Variants in IGF2BP3 observed in about 807,000 individuals in gnomAD.
The protein encoded by IGF2BP3 is insulin-like growth factor 2 mRNA-binding protein 3.
In IGF2BP3, 9 loss-of-function variants were observed where a neutral mutation model predicts 73.8. That is an observed-to-expected ratio of 0.12 (90% confidence interval 0.07 to 0.21). The LOEUF (loss-of-function observed/expected upper bound fraction) is 0.21, where lower values mean the gene tolerates loss of function less well. Ranked by LOEUF, IGF2BP3 falls within the 10% of genes least tolerant of loss-of-function variation. IGF2BP3 has a pLI of 1.00. For synonymous variants in IGF2BP3, 258 were observed against 256.7 expected (o/e 1.01, Z -0.05); for missense variants, 542 against 714.0 (o/e 0.76, Z 2.75).
At chr7:23,319,361 A>G in intron 10 of IGF2BP3, 107 bp from the exon 11 acceptor site, 1 of 700,192 alleles carries the variant, frequency 1.4e-6, no homozygotes, top group East Asian at 2.6e-5. Context: ...GAATACCAGG[A>G]AAGTTTAAGG....
intron 12 of IGF2BP3, among the ~76,000 whole-genome samples, chr7:23,315,381 A>G (rs1450613597): frequency 6.6e-6 from 1 of 152,124 alleles, no homozygotes; most frequent in African/African-American, 2.4e-5. Context: ...GTGCTGGGAT[A>G]GCAAGCGTGG....
At position 23,470,042 on chromosome 7, in the gene IGF2BP3, C is replaced by T. The variant is rs764130330; in HGVS notation, c.69G>A (p.Lys23=). ...AAPSDLESIF[K]DAKIPVSGPF... ...GTCCCGACACCGGGATCTTGGCGTC[C>T]TTGAAGATACTTTCTAGGTCCGAGG... The change falls in exon 1 of 15, where the codon AAG becomes AAA. Residue 23 remains lysine, a synonymous_variant. Coordinates refer to ENST00000258729, the MANE Select transcript of IGF2BP3 (RefSeq NM_006547.3). The T allele has an allele frequency of 1.2e-6, 2 of 1,612,148 alleles. No homozygotes were observed. Among genetic ancestry groups the T allele is most frequent in the South Asian group, 1.1e-5 (1 of 90,872 alleles).
chr7:23,328,104 T>C (rs1187220729), intron 10 of IGF2BP3, among the ~76,000 whole-genome samples: 2 of 152,206 alleles, frequency 1.3e-5, no homozygotes, highest in African/African-American at 4.8e-5. Flanking sequence ...CACTCAAAAG[T>C]AGTTGGGCTG....
intron 2 of IGF2BP3, among the ~76,000 whole-genome samples, chr7:23,464,689 A>G (rs11769151): frequency 6.6e-6 from 1 of 150,696 alleles, no homozygotes; most frequent in African/African-American, 2.4e-5. Flanking sequence ...ATCTTAAAAA[A>G]AAATAAATAA....
chr7:23,451,046 T>C (rs1562760406), intron 2 of IGF2BP3, among the ~76,000 whole-genome samples: 1 of 152,206 alleles, frequency 6.6e-6, no homozygotes, highest in Non-Finnish European at 1.5e-5. Context: ...ACAAACTGAA[T>C]GCAGTAGTAG....
Position 23,312,353 on chromosome 7 carries a change from C to CA in IGF2BP3, c.*8_*9insT. On this transcript the variant is annotated 3_prime_UTR_variant, in exon 15 of 15. Transcript: ENST00000258729. ...CATCTGCCTCTGTGGTGGGCTGTTTCCTGAGCCTTTACTTCCGTCTTGACT... is the reference window on the plus strand; with the variant it reads ...CATCTGCCTCTGTGGTGGGCTGTTTCACTGAGCCTTTACTTCCGTCTTGACT... 1 of 1,602,768 alleles carries CA rather than the reference C, an allele frequency of 6.2e-7. No individual in the cohort carries two copies. The highest frequency in any genetic ancestry group is 1.3e-5 in the African/African-American group (1 of 74,758).
chr7:23,460,812 A>G (rs1053443925), intron 2 of IGF2BP3, among the ~76,000 whole-genome samples: 2 of 152,030 alleles, frequency 1.3e-5, no homozygotes, highest in African/African-American at 4.8e-5. Flanking sequence ...TCAACTGGGC[A>G]TGGTGGTGCG....
chr7:23,368,239 A>C (rs1361283518), intron 3 of IGF2BP3, among the ~76,000 whole-genome samples: 1 of 152,088 alleles, frequency 6.6e-6, no homozygotes, highest in Non-Finnish European at 1.5e-5. Context: ...GGAGGTACTT[A>C]TACATGCTGC....
rs1187723050 is a variant in IGF2BP3 at position 23,353,372 on chromosome 7, G to A, written c.402-1786C>T. Among the ~76,000 whole-genome samples the A allele has an allele frequency of 2.6e-5, 4 of 152,280 alleles. No homozygotes were observed. In the South Asian group the frequency reaches 8.3e-4, roughly 32 times the overall value. The stretch of plus-strand genomic sequence containing the variant: ...ACCTGGGCAAGCAGACAGAGGGCTC[G>A]CTGACATTCTCCGGCCCAGAATGAT... On this transcript the variant is annotated intron_variant, in intron 5 of 14. Coordinates refer to ENST00000258729, the MANE Select transcript of IGF2BP3 (RefSeq NM_006547.3).
At chr7:23,387,852 A>G (rs1786136324) in intron 3 of IGF2BP3, among the ~76,000 whole-genome samples, 1 of 152,214 alleles carries the variant, frequency 6.6e-6, no homozygotes, top group Admixed American at 6.5e-5. Context: ...TAGAATGGCT[A>G]ATATTAAACC....
intron 3 of IGF2BP3, among the ~76,000 whole-genome samples, chr7:23,394,251 A>G (rs1442454123): frequency 1.3e-5 from 2 of 152,146 alleles, no homozygotes; most frequent in South Asian, 4.1e-4. Flanking sequence ...CTAAGTGTAT[A>G]AGCCCAGGAG....
At chr7:23,422,020 CCTT>C (rs1208813127) in intron 2 of IGF2BP3, among the ~76,000 whole-genome samples, 1 of 152,036 alleles carries the variant, frequency 6.6e-6, no homozygotes, top group Non-Finnish European at 1.5e-5. Flanking sequence ...CTCAAGCAGT[CCTT>C]CTATCTTGAC....
At chr7:23,441,813 A>G (rs184310521) in intron 2 of IGF2BP3, among the ~76,000 whole-genome samples, 10 of 152,266 alleles carry the variant, frequency 6.6e-5, no homozygotes, top group Admixed American at 6.5e-4. Flanking sequence ...TATAAATTGA[A>G]TAAGATTACT....
chr7:23,311,699 A>AT lies in IGF2BP3; in HGVS notation c.*662dup, dbSNP rs1783834064. ...CTGATTGCTGTTAAATTTTAAATTTATTTTTTAAAAAACGGTTGGACTTCT... is the reference window on the plus strand; with the variant it reads ...CTGATTGCTGTTAAATTTTAAATTTATTTTTTTAAAAAACGGTTGGACTTCT... On this transcript the variant is annotated 3_prime_UTR_variant, in exon 15 of 15. Coordinates refer to ENST00000258729, the MANE Select transcript of IGF2BP3 (RefSeq NM_006547.3). The AT allele has an allele frequency of 6.6e-6, 1 of 151,866 alleles. No individual in the cohort carries two copies. The highest frequency in any genetic ancestry group is 1.5e-5 in the Non-Finnish European group (1 of 67,744). The allele number at this position is 151,866 out of a possible 1,614,324, so 9.4% of individuals were successfully genotyped here.
At chr7:23,340,849 CTTTTTTTT>C (rs551566879) in intron 10 of IGF2BP3, among the ~76,000 whole-genome samples, 1 of 139,388 alleles carries the variant, frequency 7.2e-6, no homozygotes, top group Non-Finnish European at 1.6e-5. Flanking sequence ...TTTTCTTTTT[CTTTTTTTT>C]TTTTTTTTCC....
chr7:23,339,802 G>A (rs912669310), intron 10 of IGF2BP3, among the ~76,000 whole-genome samples: 26 of 152,228 alleles, frequency 1.7e-4, no homozygotes, highest in African/African-American at 5.5e-4. Context: ...GTACCTTTTA[G>A]TAAGTGTCAT....
rs146918617 is a variant in IGF2BP3, at chr7:23,402,081, C to T, written c.285+16695G>A. 1.7e-3 allele frequency among the ~76,000 whole-genome samples: 256 copies of T among 152,284 alleles called. 2 individuals are homozygous for T. The highest frequency in any genetic ancestry group is 5.9e-3 in the African/African-American group (244 of 41,564). Reference sequence around the variant, plus strand: ...GCAGTGAGCCGAGATTGCACCACTGCGCTCCAGCCTGGGTGAAAGAACAAG... The same window carrying T: ...GCAGTGAGCCGAGATTGCACCACTGTGCTCCAGCCTGGGTGAAAGAACAAG... On this transcript the variant is annotated intron_variant, in intron 3 of 14. Transcript: ENST00000258729.
Position 23,363,934 on chromosome 7 carries a change from T to C in IGF2BP3, c.286-2193A>G, listed in dbSNP as rs112262196. Among the ~76,000 whole-genome samples, 713 of 152,326 alleles carry C rather than the reference T, an allele frequency of 4.7e-3. 7 individuals carry two copies. Among genetic ancestry groups the C allele is most frequent in the African/African-American group, 0.016 (661 of 41,570 alleles). Reference sequence around the variant, plus strand: ...CAAAGATAAAATATACAACACATAATTCCTTAAATTAAAAACAAGGGTGGC... The same window carrying C: ...CAAAGATAAAATATACAACACATAACTCCTTAAATTAAAAACAAGGGTGGC... On this transcript the variant is annotated intron_variant, in intron 3 of 14. Coordinates refer to ENST00000258729, the MANE Select transcript of IGF2BP3 (RefSeq NM_006547.3).
chr7:23,321,429 C>G (rs191002954), intron 10 of IGF2BP3, among the ~76,000 whole-genome samples: 3 of 152,204 alleles, frequency 2.0e-5, no homozygotes, highest in Non-Finnish European at 1.5e-5. Context: ...CGTACGCCCA[C>G]GGAGTCTCGC....
Sources: gnomAD v4.1 joint callset for allele counts (sites outside exome capture counted in the v4.1 genomes callset) on GRCh38, gnomAD v4.1.1 for gene constraint, MANE v1.5 for transcripts, NCBI Gene and HGNC (gene_info 2026-07-23, HGNC 2026-07-21) for gene names.